The following RIN2 variants were observed in gnomAD, a reference collection of about 807,000 sequenced individuals.
RIN2 encodes the protein RAB5 interacting protein 2.
In RIN2, 36 loss-of-function variants were observed where a neutral mutation model predicts 78.0. That is an observed-to-expected ratio of 0.46 (90% CI 0.35 to 0.61). The LOEUF (loss-of-function observed/expected upper bound fraction) is 0.61, where lower values mean the gene tolerates loss of function less well. Ranked by LOEUF, RIN2 falls within the 20% of genes least tolerant of loss-of-function variation. The pLI, the probability that RIN2 is intolerant of heterozygous loss-of-function variation, is 0.00. For synonymous variants in RIN2, 466 were observed against 466.8 expected (o/e 1.00, Z 0.02); for missense variants, 1,087 against 1,159.7 (o/e 0.94, Z 0.91).
Position 19,974,989 on chromosome 20 carries a change from A to T in RIN2, c.964A>T (p.Ser322Cys). 6.2e-7 allele frequency: 1 copy of T among 1,613,132 alleles called. No individual in the cohort carries two copies. The highest frequency in any genetic ancestry group is 8.5e-7 in the Non-Finnish European group (1 of 1,179,736). ...ACCCGCTATTAATAGTCTCCACACAAGCCCTCGGCTGGCCAGGACTGAAAC... is the reference window on the plus strand; with the variant it reads ...ACCCGCTATTAATAGTCTCCACACATGCCCTCGGCTGGCCAGGACTGAAAC... ...PPPAINSLHT[S>C]PRLARTETQT... is the part of the protein sequence containing the mutation. Residue 322 changes from serine to cysteine, a missense_variant, in exon 9 of 13, where the codon AGC (serine) becomes TGC (cysteine). By Grantham distance (112) the Ser-to-Cys change is moderately radical. Transcript: ENST00000255006.
intron 2 of RIN2, among the ~76,000 whole-genome samples, chr20:19,808,842 G>A (rs16981138): frequency 0.039 from 5,889 of 152,276 alleles, 264 homozygotes; most frequent in African/African-American, 0.11. Flanking sequence ...TGGGTGATCT[G>A]GACATGCACT....
intron 2 of RIN2, chr20:19,886,928 C>G: frequency 1.8e-6 from 1 of 546,372 alleles, no homozygotes; most frequent in South Asian, 3.0e-5. Context: ...AATATTGAGT[C>G]AAGGTGTCTA....
At chr20:19,934,555 A>G (rs554549729) in intron 3 of RIN2, 3 of 984,872 alleles carry the variant, frequency 3.0e-6, no homozygotes, top group African/African-American at 3.5e-5. Context: ...TTCCCCAACA[A>G]TCTTCTCTCC....
At chr20:19,802,541 G>A (rs1254244958) in intron 2 of RIN2, among the ~76,000 whole-genome samples, 1 of 151,826 alleles carries the variant, frequency 6.6e-6, no homozygotes, top group African/African-American at 2.4e-5. Context: ...TTGCCACAGT[G>A]TGACTAAAGG....
At chr20:19,811,298 T>C (rs1365641748) in intron 2 of RIN2, among the ~76,000 whole-genome samples, 1 of 152,066 alleles carries the variant, frequency 6.6e-6, no homozygotes, top group Non-Finnish European at 1.5e-5. Flanking sequence ...CTCTGCGAGG[T>C]GCTGGAGACC....
Position 19,968,380 on chromosome 20 carries a change from C to T in RIN2, c.537-2458C>T, listed in dbSNP as rs534472568. On this transcript the variant is annotated intron_variant, in intron 7 of 12. Coordinates refer to ENST00000255006, the MANE Select transcript of RIN2 (RefSeq NM_018993.4). Reference sequence around the variant, plus strand: ...ATCTAAGATGATGGCTTTTGTTTTTCTGTTATGCAAGCTTTAGAATTGAGG... The same window carrying T: ...ATCTAAGATGATGGCTTTTGTTTTTTTGTTATGCAAGCTTTAGAATTGAGG... Among the ~76,000 whole-genome samples the T allele has an allele frequency of 2.0e-5, 3 of 152,262 alleles. No homozygotes were observed. In the South Asian group the frequency reaches 6.2e-4, roughly 32 times the overall value.
chr20:19,871,309 A>G (rs1366374392), intron 2 of RIN2, among the ~76,000 whole-genome samples: 1 of 152,192 alleles, frequency 6.6e-6, no homozygotes, highest in Non-Finnish European at 1.5e-5. Flanking sequence ...GGTGGCTCAC[A>G]TCTGTAATCT....
chr20:19,992,182 G>A lies in RIN2; in HGVS notation c.2083G>A (p.Ala695Thr), dbSNP rs778212107. Residue 695 changes from alanine to threonine, a missense_variant, in exon 11 of 13, where the codon GCT becomes ACT. Ala to Thr is a moderately conservative substitution (Grantham distance 58). This residue lies in a region of RIN2 where 45 missense variants were observed against 88.1 expected (regional missense o/e 0.51). Transcript: ENST00000255006. ...MENNSGRMYG[A>T]DDFLPVLTYV... ...CCTGCTCTCAGGGAGGATGTATGGCGCTGATGACTTCTTGCCAGTCCTGAC... is the reference window on the plus strand; with the variant it reads ...CCTGCTCTCAGGGAGGATGTATGGCACTGATGACTTCTTGCCAGTCCTGAC... The A allele has an allele frequency of 1.9e-6, 3 of 1,612,824 alleles. No individual in the cohort carries two copies. The highest frequency in any genetic ancestry group is 1.7e-6 in the Non-Finnish European group (2 of 1,179,508).
At chr20:19,778,731 A>G (rs1183495987) in intron 1 of RIN2, among the ~76,000 whole-genome samples, 1 of 152,132 alleles carries the variant, frequency 6.6e-6, no homozygotes, top group Non-Finnish European at 1.5e-5. Context: ...TGGGCTGGGG[A>G]CATTTGGAGG....
rs142759112 is a variant in RIN2 at position 19,932,734 on chromosome 20, C to T, written c.58-2365C>T. On this transcript the variant is annotated intron_variant, in intron 3 of 12. Transcript: ENST00000255006. ...TCCCTGCCACAGTGCTTTAGAATGC[C>T]AGCCACACATGCCAGTGACTTCCAA... 3.3e-4 allele frequency among the ~76,000 whole-genome samples: 51 copies of T among 152,278 alleles called. No homozygotes were observed. In the East Asian group the frequency reaches 9.1e-3, roughly 27 times the overall value.
At chr20:19,874,635 C>T (rs2037798983) in intron 2 of RIN2, among the ~76,000 whole-genome samples, 1 of 152,090 alleles carries the variant, frequency 6.6e-6, no homozygotes, top group African/African-American at 2.4e-5. Context: ...CTGTGACTAC[C>T]TCTGAAGGAA....
intron 5 of RIN2, 114 bp from the exon 6 acceptor site, chr20:19,960,586 C>A: frequency 1.3e-6 from 1 of 786,130 alleles, no homozygotes; most frequent in Non-Finnish European, 2.2e-6. Flanking sequence ...CTGCAGGGAG[C>A]CATGCAGTGT....
At chr20:19,880,200 G>A (rs990227135) in intron 2 of RIN2, among the ~76,000 whole-genome samples, 2 of 149,622 alleles carry the variant, frequency 1.3e-5, no homozygotes, top group Non-Finnish European at 1.5e-5. Flanking sequence ...GCAGTGAGCC[G>A]AGATCATGCC....
Position 19,889,572 on chromosome 20 carries a change from C to T in RIN2, c.-30C>T. 6.5e-7 allele frequency: 1 copy of T among 1,548,762 alleles called. No individual in the cohort carries two copies. The highest frequency in any genetic ancestry group is 1.2e-5 in the South Asian group (1 of 83,442). On this transcript the variant is annotated 5_prime_UTR_variant, in exon 3 of 13. Transcript: ENST00000255006. Reference sequence around the variant, plus strand: ...AAAATGTCTCTACCTTCAGGAGTCCCCGGCGTGCAGTGGAGCCTCGCTGGG... The same window carrying T: ...AAAATGTCTCTACCTTCAGGAGTCCTCGGCGTGCAGTGGAGCCTCGCTGGG...
At chr20:19,801,398 GC>G (rs140782107) in intron 2 of RIN2, among the ~76,000 whole-genome samples, 2,337 of 152,150 alleles carry the variant, frequency 0.015, 69 homozygotes, top group African/African-American at 0.053. Context: ...TCGGCTCACT[GC>G]AATCTCTGCC....
intron 1 of RIN2, among the ~76,000 whole-genome samples, chr20:19,771,395 T>C (rs1260383531): frequency 6.6e-6 from 1 of 152,228 alleles, no homozygotes; most frequent in Non-Finnish European, 1.5e-5. Flanking sequence ...TTTCATAATA[T>C]ATCACATAAC....
At chr20:19,874,095 T>TGTG (rs2037782580) in intron 2 of RIN2, among the ~76,000 whole-genome samples, 1 of 151,736 alleles carries the variant, frequency 6.6e-6, no homozygotes, top group African/African-American at 2.4e-5. Flanking sequence ...TTTGTGTGTG[T>TGTG]TGGTTATTTC....
chr20:19,766,804 C>T (rs113697070), intron 1 of RIN2, among the ~76,000 whole-genome samples: 5,391 of 151,624 alleles, frequency 0.036, 132 homozygotes, highest in Middle Eastern at 0.085. Context: ...ACCTGCTACT[C>T]GGGAGATTGA....
intron 1 of RIN2, among the ~76,000 whole-genome samples, chr20:19,770,259 T>C (rs548435622): frequency 1.3e-5 from 2 of 152,338 alleles, no homozygotes; most frequent in Non-Finnish European, 2.9e-5. Flanking sequence ...GCAAAATAAC[T>C]GTTGAAGGTT....
Sources: allele counts gnomAD v4.1 joint callset (sites outside exome capture counted in the v4.1 genomes callset), GRCh38; gene constraint gnomAD v4.1.1; regional missense constraint gnomAD v4.1.1; transcripts MANE v1.5; gene names NCBI Gene and HGNC (gene_info 2026-07-23, HGNC 2026-07-21).